Variants in GLRA3 observed in about 807,000 individuals in gnomAD.
The protein encoded by GLRA3 is glycine receptor alpha 3, also known as glycine receptor subunit alpha-3.
In GLRA3, 44 loss-of-function variants were observed where a neutral mutation model predicts 60.4. The observed-to-expected ratio is 0.73, with a 90% CI of 0.57 to 0.94. The LOEUF is 0.94. GLRA3 is among the 40% of genes least tolerant of loss of function. The pLI is 0.00. For missense variants in GLRA3, 508 were observed against 564.6 expected (o/e 0.90, Z 1.02); for synonymous variants, 223 against 192.9 (o/e 1.16, Z -1.29).
chr4:174,643,093 C>A lies in GLRA3; in HGVS notation c.*693G>T, dbSNP rs1302593514. Reference sequence around the variant, plus strand: ...AAGTTGTTTCCCGTATTTCCACCTTCGTTCCTAGAGATACAAAGTTTAAGA... The same window carrying A: ...AAGTTGTTTCCCGTATTTCCACCTTAGTTCCTAGAGATACAAAGTTTAAGA... On this transcript the variant is annotated 3_prime_UTR_variant, in exon 10 of 10. Coordinates refer to ENST00000274093, the MANE Select transcript of GLRA3 (RefSeq NM_006529.4). The A allele has an allele frequency of 8.6e-5, 80 of 931,700 alleles. No homozygotes were observed. Among genetic ancestry groups the A allele is most frequent in the Non-Finnish European group, 9.8e-5 (77 of 782,338 alleles). 57.7% of individuals were successfully genotyped at this position (931,700 alleles called of 1,614,324 possible). A position where few individuals can be genotyped will look rare whatever the true frequency, so the allele number is the denominator to read the frequency against.
intron 5 of GLRA3, among the ~76,000 whole-genome samples, chr4:174,696,275 A>G (rs1435618260): frequency 2.0e-5 from 3 of 151,800 alleles, no homozygotes; most frequent in East Asian, 3.9e-4. Context: ...AAATATAAAC[A>G]TAATTTGTGC....
chr4:174,714,233 T>TA (rs1398118170), intron 5 of GLRA3, among the ~76,000 whole-genome samples: 2 of 152,172 alleles, frequency 1.3e-5, no homozygotes, highest in African/African-American at 4.8e-5. Context: ...GGGTGCCACT[T>TA]AGAGGGTCCC....
rs2111060602 is a variant in GLRA3 at position 174,704,888 on chromosome 4, T to C, written c.574+10600A>G. Among the ~76,000 whole-genome samples, 2 of 143,272 alleles carry C rather than the reference T, an allele frequency of 1.4e-5. 1 individual carries two copies. 94.0% of individuals were successfully genotyped at this position (143,272 alleles called of 152,430 possible). A position where few individuals can be genotyped will look rare whatever the true frequency, so the allele number is the denominator to read the frequency against. Reference sequence around the variant, plus strand: ...TACTTATATATGAATTTAGAGTAGCTAAACTCATATAAGCAAAATGTGGAA... The same window carrying C: ...TACTTATATATGAATTTAGAGTAGCCAAACTCATATAAGCAAAATGTGGAA... On this transcript the variant is annotated intron_variant, in intron 5 of 9. Coordinates refer to ENST00000274093, the MANE Select transcript of GLRA3 (RefSeq NM_006529.4).
chr4:174,806,254 A>C (rs1740046874), intron 1 of GLRA3, among the ~76,000 whole-genome samples: 3 of 152,116 alleles, frequency 2.0e-5, no homozygotes, highest in Admixed American at 2.0e-4. Context: ...TAAGACTTTC[A>C]AAAAAACAAG....
chr4:174,817,394 T>C (rs1050835156), intron 1 of GLRA3, among the ~76,000 whole-genome samples: 18 of 152,204 alleles, frequency 1.2e-4, no homozygotes, highest in Admixed American at 9.8e-4. Context: ...TCTTTTCCTT[T>C]CTTTCTTTTA....
intron 9 of GLRA3, among the ~76,000 whole-genome samples, chr4:174,652,432 AAAG>A (rs1390563954): frequency 2.0e-5 from 3 of 152,148 alleles, no homozygotes; most frequent in Non-Finnish European, 4.4e-5. Flanking sequence ...TTAAAAAGTT[AAAG>A]AAGTAGTTTA....
chr4:174,727,109 A>G (rs1736358447), intron 4 of GLRA3, among the ~76,000 whole-genome samples: 1 of 152,226 alleles, frequency 6.6e-6, no homozygotes, highest in Non-Finnish European at 1.5e-5. Context: ...TTAGAAATCA[A>G]TAAATCTATG....
chr4:174,714,871 T>C (rs544050841), intron 5 of GLRA3, among the ~76,000 whole-genome samples: 123 of 152,342 alleles, frequency 8.1e-4, no homozygotes, highest in African/African-American at 2.9e-3. Context: ...GGGTCTACTT[T>C]GAAAGAAGAA....
intron 1 of GLRA3, among the ~76,000 whole-genome samples, chr4:174,809,045 C>G (rs778265633): frequency 1.5e-4 from 23 of 152,188 alleles, no homozygotes; most frequent in Non-Finnish European, 2.4e-4. Context: ...TTCACATTCA[C>G]TCACCACTCA....
At position 174,677,087 on chromosome 4, in the gene GLRA3, G is replaced by A; in HGVS notation, c.918C>T (p.Ser306=). 1 of 1,604,738 alleles carries A rather than the reference G, an allele frequency of 6.2e-7. No individual in the cohort carries two copies. Among genetic ancestry groups the A allele is most frequent in the South Asian group, 1.1e-5 (1 of 90,902 alleles). ...CATTCAGTGCACTTACTTTTGGCAA[G>A]GAAGCTCGTGATCCTGAACTCTGTG... is the stretch of plus-strand genomic sequence containing the variant. The part of the protein sequence containing the change: ...MTTQSSGSRA[S]LPKVSYVKAI... Residue 306 remains serine (S), a synonymous_variant, in exon 7 of 10, where the codon TCC becomes TCT. Coordinates refer to ENST00000274093, the MANE Select transcript of GLRA3 (RefSeq NM_006529.4).
At chr4:174,747,241 A>C (rs1737292916) in intron 3 of GLRA3, among the ~76,000 whole-genome samples, 2 of 152,148 alleles carry the variant, frequency 1.3e-5, no homozygotes, top group African/African-American at 4.8e-5. Context: ...CAGTGGTGGA[A>C]AGAGTAGTCG....
chr4:174,674,690 T>G (rs1734043586), intron 7 of GLRA3, among the ~76,000 whole-genome samples: 1 of 152,162 alleles, frequency 6.6e-6, no homozygotes, highest in Non-Finnish European at 1.5e-5. Context: ...TGTCCTATGT[T>G]TTATAGTCAA....
intron 2 of GLRA3, among the ~76,000 whole-genome samples, chr4:174,775,591 G>A (rs2111259702): frequency 6.6e-6 from 1 of 152,264 alleles, no homozygotes; most frequent in East Asian, 1.9e-4. Context: ...AATACTTTCT[G>A]AAGTTGCACT....
At chr4:174,700,528 A>G (rs376493909) in intron 5 of GLRA3, among the ~76,000 whole-genome samples, 1 of 152,216 alleles carries the variant, frequency 6.6e-6, no homozygotes, top group Non-Finnish European at 1.5e-5. Flanking sequence ...ACCTTTAAGT[A>G]GTCGCTGAAA....
intron 9 of GLRA3, among the ~76,000 whole-genome samples, chr4:174,655,051 G>A (rs746362373): frequency 1.3e-5 from 2 of 152,092 alleles, no homozygotes; most frequent in Non-Finnish European, 2.9e-5. Flanking sequence ...TTAATGTAAG[G>A]TCCCCTGTTG....
At chr4:174,818,754 G>T (rs1740610527) in intron 1 of GLRA3, among the ~76,000 whole-genome samples, 1 of 152,058 alleles carries the variant, frequency 6.6e-6, no homozygotes, top group South Asian at 2.1e-4. Flanking sequence ...AAACCAGGAG[G>T]CAAGTTAAGG....
chr4:174,810,473 G>A (rs1193513578), intron 1 of GLRA3, among the ~76,000 whole-genome samples: 1 of 151,216 alleles, frequency 6.6e-6, no homozygotes, highest in Non-Finnish European at 1.5e-5. Flanking sequence ...TTTATTTGTG[G>A]TCACATATAT....
Position 174,659,191 on chromosome 4 carries a change from A to G in GLRA3, c.934T>C (p.Tyr312His), listed in dbSNP as rs560093755. 1.9e-6 allele frequency: 3 copies of G among 1,610,482 alleles called. No individual in the cohort carries two copies. Among genetic ancestry groups the G allele is most frequent in the South Asian group, 2.2e-5 (2 of 90,606 alleles). Residue 312 changes from tyrosine to histidine, a missense_variant, in exon 8 of 10, where the codon TAT (tyrosine) becomes CAT (histidine). Transcript: ENST00000274093. ...GSRASLPKVS[Y>H]VKAIDIWMAV... The stretch of plus-strand genomic sequence containing the variant: ...ATCCAAATATCAATAGCTTTGACAT[A>G]TGAAACCTAGCCAAGAGAGAAAGAG...
At chr4:174,689,798 G>T (rs1442312261) in intron 5 of GLRA3, among the ~76,000 whole-genome samples, 2 of 106,640 alleles carry the variant, frequency 1.9e-5, no homozygotes, top group African/African-American at 3.4e-5. Context: ...AAGACCTAAT[G>T]GTATGCTGTC....
Sources: gnomAD v4.1 joint callset for allele counts (sites outside exome capture counted in the v4.1 genomes callset) on GRCh38, gnomAD v4.1.1 for gene constraint, MANE v1.5 for transcripts, NCBI Gene and HGNC (gene_info 2026-07-23, HGNC 2026-07-21) for gene names.